Variants in TRPC4 observed in about 807,000 individuals in gnomAD.
The protein encoded by TRPC4 is transient receptor potential cation channel subfamily C member 4.
In TRPC4, 49 loss-of-function variants were observed where a neutral mutation model predicts 99.4. That is an observed-to-expected ratio of 0.49 (90% CI 0.39 to 0.63). The LOEUF (loss-of-function observed/expected upper bound fraction) is 0.63, where lower values mean the gene tolerates loss of function less well. Ranked by LOEUF, TRPC4 falls within the 20% of genes least tolerant of loss-of-function variation. TRPC4 has a pLI of 0.00. For synonymous variants in TRPC4, 454 were observed against 425.9 expected (o/e 1.07, Z -0.81); for missense variants, 898 against 1,152.9 (o/e 0.78, Z 3.20).
At chr13:37,666,331 G>GT (rs1241512902) in intron 5 of TRPC4, among the ~76,000 whole-genome samples, 8 of 152,114 alleles carry the variant, frequency 5.3e-5, no homozygotes, top group Non-Finnish European at 7.4e-5. Context: ...TGGCTATTAG[G>GT]TCCCCCACTG....
Position 37,783,087 on chromosome 13 carries a change from A to T in TRPC4, c.247T>A (p.Leu83Met). The change falls in exon 2 of 11, where the codon TTG becomes ATG. Residue 83 changes from leucine to methionine, a missense_variant. Around this residue, in one of 3 missense-constraint regions of TRPC4, gnomAD observed 278 missense variants for 346.6 expected, o/e 0.80. Coordinates refer to ENST00000379705, the MANE Select transcript of TRPC4 (RefSeq NM_016179.4). The part of the protein sequence containing the change: ...ALLIAIENEN[L>M]ELIELLLSFN... ...CTTAAGAGTAGTTCGATGAGCTCCA[A>T]GTTCTCATTTTCAATTGCAATGAGG... 6.2e-7 allele frequency: 1 copy of T among 1,613,416 alleles called. No individual in the cohort carries two copies. The highest frequency in any genetic ancestry group is 8.5e-7 in the Non-Finnish European group (1 of 1,179,720).
chr13:37,811,796 G>A (rs1256969628), intron 1 of TRPC4, among the ~76,000 whole-genome samples: 1 of 152,020 alleles, frequency 6.6e-6, no homozygotes, highest in Non-Finnish European at 1.5e-5. Flanking sequence ...ACTACACAGA[G>A]GGTCCTGCTT....
intron 3 of TRPC4, among the ~76,000 whole-genome samples, chr13:37,716,445 C>T (rs1204206022): frequency 1.3e-5 from 2 of 152,078 alleles, no homozygotes; most frequent in Non-Finnish European, 2.9e-5. Flanking sequence ...GTTTCTTTAC[C>T]ATACATTTGC....
chr13:37,691,500 A>T (rs1953710448), intron 4 of TRPC4, among the ~76,000 whole-genome samples: 1 of 152,196 alleles, frequency 6.6e-6, no homozygotes, highest in South Asian at 2.1e-4. Context: ...ACAAAAAGAG[A>T]GTGGCGGATA....
chr13:37,769,572 CT>C (rs1956490907), intron 2 of TRPC4, among the ~76,000 whole-genome samples: 1 of 151,330 alleles, frequency 6.6e-6, no homozygotes, highest in African/African-American at 2.4e-5. Flanking sequence ...ACTTTGCTGT[CT>C]TATAATCCTG....
At chr13:37,700,958 CTG>C (rs1954084610) in intron 3 of TRPC4, among the ~76,000 whole-genome samples, 1 of 152,040 alleles carries the variant, frequency 6.6e-6, no homozygotes, top group Non-Finnish European at 1.5e-5. Context: ...TAATAATACT[CTG>C]TTTTTTAATG....
intron 1 of TRPC4, among the ~76,000 whole-genome samples, chr13:37,808,843 A>T (rs1957600020): frequency 6.6e-6 from 1 of 151,894 alleles, no homozygotes; most frequent in Non-Finnish European, 1.5e-5. Context: ...CTTAATAAAT[A>T]CCCAGCATGC....
chr13:37,644,463 T>C (rs4387480), intron 8 of TRPC4, among the ~76,000 whole-genome samples: 149,825 of 152,250 alleles, frequency 0.98, 73,766 homozygotes, highest in East Asian at 1. Flanking sequence ...TAACTGTGTT[T>C]TTTAATTTTA....
intron 3 of TRPC4, among the ~76,000 whole-genome samples, chr13:37,726,338 T>C (rs1955056711): frequency 6.6e-6 from 1 of 152,198 alleles, no homozygotes; most frequent in African/African-American, 2.4e-5. Context: ...TTTTGTGATA[T>C]CAACCACTGA....
intron 3 of TRPC4, among the ~76,000 whole-genome samples, chr13:37,722,816 GA>G (rs370632010): frequency 3.0e-4 from 44 of 147,782 alleles, no homozygotes; most frequent in African/African-American, 4.4e-4. Context: ...ATTATTGCAT[GA>G]AAAAAAAAAG....
At chr13:37,859,166 G>A (rs1959201861) in intron 1 of TRPC4, among the ~76,000 whole-genome samples, 1 of 151,398 alleles carries the variant, frequency 6.6e-6, no homozygotes, top group Non-Finnish European at 1.5e-5. Context: ...TGGGAAGAGA[G>A]CTGTAAATAA....
chr13:37,800,383 T>C (rs892861200), intron 1 of TRPC4, among the ~76,000 whole-genome samples: 1 of 152,130 alleles, frequency 6.6e-6, no homozygotes, highest in Non-Finnish European at 1.5e-5. Flanking sequence ...GTTTTATTGT[T>C]AATGCAAGAA....
intron 8 of TRPC4, among the ~76,000 whole-genome samples, chr13:37,641,365 C>T (rs751686927): frequency 6.6e-5 from 10 of 152,188 alleles, no homozygotes; most frequent in South Asian, 4.1e-4. Context: ...TAAGTTAATG[C>T]GATTCATTGT....
intron 2 of TRPC4, among the ~76,000 whole-genome samples, chr13:37,753,035 A>C (rs1407157312): frequency 1.3e-5 from 2 of 152,002 alleles, no homozygotes; most frequent in Non-Finnish European, 2.9e-5. Flanking sequence ...AAATGATTTT[A>C]ATGTAAGAAC....
intron 3 of TRPC4, among the ~76,000 whole-genome samples, chr13:37,703,931 TG>T: frequency 6.6e-6 from 1 of 152,276 alleles, no homozygotes; most frequent in South Asian, 2.1e-4. Flanking sequence ...GTAGCTTTTT[TG>T]TAATAGCCTC....
intron 4 of TRPC4, among the ~76,000 whole-genome samples, chr13:37,680,541 A>C (rs1209312138): frequency 6.6e-6 from 1 of 152,224 alleles, no homozygotes; most frequent in Non-Finnish European, 1.5e-5. Flanking sequence ...AATTTTACCA[A>C]AAGCAGTCAT....
chr13:37,746,014 C>A lies in TRPC4; in HGVS notation c.820G>T (p.Asp274Tyr). The A allele has an allele frequency of 6.2e-7, 1 of 1,613,840 alleles. No homozygotes were observed. The highest frequency in any genetic ancestry group is 8.5e-7 in the Non-Finnish European group (1 of 1,179,838). The change falls in exon 3 of 11, where the codon GAC (aspartate) becomes TAC (tyrosine). Residue 274 changes from aspartate (D) to tyrosine (Y), a missense_variant. Around this residue, in one of 3 missense-constraint regions of TRPC4, gnomAD observed 278 missense variants for 346.6 expected, o/e 0.80. Coordinates refer to ENST00000379705, the MANE Select transcript of TRPC4 (RefSeq NM_016179.4). ...CTTTGTTCTTCTATGAGACTATTGT[C>A]ATCTCGGTAATTAAGAATGATTTCC... ...ELEIILNYRDDNSLIEEQSGN... is the reference protein window; with the variant it reads ...ELEIILNYRDYNSLIEEQSGN...
chr13:37,671,739 C>G (rs373992590), intron 5 of TRPC4, among the ~76,000 whole-genome samples: 2 of 152,132 alleles, frequency 1.3e-5, no homozygotes, highest in East Asian at 1.9e-4. Context: ...CTCAAGGTCA[C>G]CCAACTAGTA....
chr13:37,795,616 C>A (rs1957224601), intron 1 of TRPC4, among the ~76,000 whole-genome samples: 1 of 152,164 alleles, frequency 6.6e-6, no homozygotes, highest in Non-Finnish European at 1.5e-5. Flanking sequence ...GAGGAGGAAG[C>A]AGGATTCTTA....
Sources: allele counts gnomAD v4.1 joint callset (sites outside exome capture counted in the v4.1 genomes callset), GRCh38; gene constraint gnomAD v4.1.1; regional missense constraint gnomAD v4.1.1; transcripts MANE v1.5; gene names NCBI Gene and HGNC (gene_info 2026-07-23, HGNC 2026-07-21).